The following CPLX2 variants were observed in gnomAD, a reference collection of about 807,000 sequenced individuals.
The protein encoded by CPLX2 is complexin-2.
Under a neutral mutation model 16.3 loss-of-function variants are expected in CPLX2, and 5 were observed. The observed-to-expected ratio is 0.31, with a 90% CI of 0.16 to 0.64. The LOEUF (loss-of-function observed/expected upper bound fraction) is 0.64. CPLX2 is among the 30% of genes least tolerant of loss of function. The pLI, the probability that CPLX2 is intolerant of heterozygous loss-of-function variation, is 0.79. For synonymous variants in CPLX2, 89 were observed against 73.2 expected, an observed-to-expected ratio of 1.22 and a Z score of -1.10; for missense variants, 144 against 181.4, an observed-to-expected ratio of 0.79 and a Z score of 1.18.
chr5:175,827,460 T>C (rs543255094), intron 2 of CPLX2, among the ~76,000 whole-genome samples: 1 of 152,076 alleles, frequency 6.6e-6, no homozygotes. Flanking sequence ...ACCTTTAAAG[T>C]CCAAGAGATG....
intron 1 of CPLX2, among the ~76,000 whole-genome samples, chr5:175,804,387 A>G (rs1758156236): frequency 6.6e-6 from 1 of 152,156 alleles, no homozygotes; most frequent in Admixed American, 6.5e-5. Flanking sequence ...GCCCAGAGAA[A>G]GGATCACACA....
In CPLX2 at chr5:175,882,944, G is replaced by A. The variant is rs1755657495; in HGVS notation, c.*2899G>A. On this transcript the variant is annotated 3_prime_UTR_variant, in exon 4 of 4. Coordinates refer to ENST00000393745, the MANE Select transcript of CPLX2 (RefSeq NM_001008220.2). The stretch of plus-strand genomic sequence containing the variant: ...ATCCTCACAGGATCGCCTGGGAGGT[G>A]AGGTGTGTGTGACCCACTGGATGGG... 2 of 152,392 alleles carry A rather than the reference G, an allele frequency of 1.3e-5. No homozygotes were observed. Among genetic ancestry groups the A allele is most frequent in the Non-Finnish European group, 2.9e-5 (2 of 68,150 alleles). 9.4% of individuals were successfully genotyped at this position (152,392 alleles called of 1,614,324 possible).
rs886115286 is a variant in CPLX2, at chr5:175,845,662, G to A, written c.-88-32990G>A. On this transcript the variant is annotated intron_variant, in intron 2 of 4. Coordinates refer to the CPLX2 transcript ENST00000359546. The surrounding 1 kb of genome is among the most constrained non-coding windows in gnomAD (Gnocchi z 4.0). ...CTGGACTGTGAGTCTCTTAAGGGCG[G>A]GGACTCATTGGTGCTGGTTCCACGG... Among the ~76,000 whole-genome samples the A allele has an allele frequency of 6.6e-5, 10 of 152,216 alleles. No individual in the cohort carries two copies. The highest frequency in any genetic ancestry group is 2.4e-4 in the African/African-American group (10 of 41,446).
chr5:175,878,458 T>C (rs552200372), intron 1 of CPLX2, 194 bp from the exon 2 acceptor site: 25 of 540,468 alleles, frequency 4.6e-5, no homozygotes, highest in Middle Eastern at 9.6e-4. Context: ...CAAAAAGCTA[T>C]TTGGCAGCAC....
rs1478864435 is a variant in CPLX2 at position 175,872,605 on chromosome 5, G to T, written c.-89+900G>T. ...GAAACGGGAACCCCCGGCCACTTCC[G>T]CTTTTCAGCCGGAGTCGGCTCCCTA... is the stretch of plus-strand genomic sequence containing the variant. On this transcript the variant is annotated intron_variant, in intron 1 of 3. Transcript: ENST00000393745. The surrounding 1 kb of genome is among the most constrained non-coding windows in gnomAD (Gnocchi z 5.0). 6.6e-6 allele frequency among the ~76,000 whole-genome samples: 1 copy of T among 152,038 alleles called. No individual in the cohort carries two copies. The highest frequency in any genetic ancestry group is 1.5e-5 in the Non-Finnish European group (1 of 67,992).
chr5:175,857,904 T>C (rs574496363), intron 2 of CPLX2, among the ~76,000 whole-genome samples: 1 of 152,356 alleles, frequency 6.6e-6, no homozygotes, highest in Admixed American at 6.5e-5. Flanking sequence ...ACGAAGGTGC[T>C]GGTCTCTGCC....
At chr5:175,815,382 C>T (rs17065522) in intron 2 of CPLX2, among the ~76,000 whole-genome samples, 29,625 of 151,980 alleles carry the variant, frequency 0.19, 3,600 homozygotes, top group African/African-American at 0.35. Flanking sequence ...TGGCGGAGAG[C>T]ACATGCATGG....
In CPLX2 at chr5:175,801,780, C is replaced by T. The variant is rs141632411; in HGVS notation, c.-169+4996C>T. On this transcript the variant is annotated intron_variant, in intron 1 of 4. Coordinates refer to the CPLX2 transcript ENST00000359546. The stretch of plus-strand genomic sequence containing the variant: ...AAAAACGGAGCAAAATGGAGATGGG[C>T]GAGCCGGGAGCACATGCCAAGAAGT... 2.0e-3 allele frequency among the ~76,000 whole-genome samples: 302 copies of T among 152,312 alleles called. 2 individuals are homozygous for T. The highest frequency in any genetic ancestry group is 3.3e-3 in the Non-Finnish European group (225 of 68,030).
At chr5:175,863,236 T>A (rs1016661758) in intron 2 of CPLX2, among the ~76,000 whole-genome samples, 9 of 152,222 alleles carry the variant, frequency 5.9e-5, no homozygotes, top group African/African-American at 2.2e-4. Context: ...CCATCAAGGA[T>A]CAGCCCATGG....
At chr5:175,875,496 T>C (rs187165863) in intron 1 of CPLX2, among the ~76,000 whole-genome samples, 2 of 152,328 alleles carry the variant, frequency 1.3e-5, no homozygotes, top group Admixed American at 1.3e-4. Context: ...AGAGTATTTC[T>C]AAAATTTCAA....
intron 2 of CPLX2, among the ~76,000 whole-genome samples, chr5:175,853,109 C>T (rs530955512): frequency 2.6e-5 from 4 of 152,346 alleles, no homozygotes; most frequent in Non-Finnish European, 4.4e-5. Context: ...CTGTTAATAA[C>T]AAGTGATACT....
intron 1 of CPLX2, among the ~76,000 whole-genome samples, chr5:175,802,446 T>C (rs1248804264): frequency 1.3e-5 from 2 of 152,140 alleles, no homozygotes; most frequent in Non-Finnish European, 2.9e-5. Flanking sequence ...GCGGAGAAAA[T>C]GTATCTCCAC....
At chr5:175,820,830 A>C (rs1371721432) in intron 2 of CPLX2, among the ~76,000 whole-genome samples, 2 of 152,142 alleles carry the variant, frequency 1.3e-5, no homozygotes, top group African/African-American at 4.8e-5. Context: ...CAATAAACAA[A>C]TATATGGACA....
chr5:175,850,152 GT>G (rs10709640), intron 2 of CPLX2, among the ~76,000 whole-genome samples: 108,022 of 148,990 alleles, frequency 0.73, 39,947 homozygotes, highest in East Asian at 0.96. Flanking sequence ...CAGTTTTTTT[GT>G]TTTTTTTTTT....
rs1755558789 is a variant in CPLX2, at chr5:175,880,444, C to G, written c.*399C>G. ...AGCATGCTGACCTTTGGCCTCTAAC[C>G]CTCAGTGGGCCCCCAGGTCAGGGCA... is the stretch of plus-strand genomic sequence containing the variant. On this transcript the variant is annotated 3_prime_UTR_variant, in exon 4 of 4. Coordinates refer to ENST00000393745, the MANE Select transcript of CPLX2 (RefSeq NM_001008220.2). The G allele has an allele frequency of 1.6e-5, 5 of 313,892 alleles. No individual in the cohort carries two copies. The highest frequency in any genetic ancestry group is 1.1e-4 in the South Asian group (4 of 35,656). 19.4% of individuals were successfully genotyped at this position (313,892 alleles called of 1,614,324 possible).
intron 2 of CPLX2, among the ~76,000 whole-genome samples, chr5:175,855,483 G>T (rs1759236551): frequency 1.3e-5 from 2 of 152,190 alleles, no homozygotes; most frequent in Admixed American, 1.3e-4. Context: ...AGTTATATTT[G>T]TTCATGTAAC....
At chr5:175,839,079 T>G (rs75991742) in intron 2 of CPLX2, among the ~76,000 whole-genome samples, 15,904 of 152,132 alleles carry the variant, frequency 0.1, 898 homozygotes, top group Non-Finnish European at 0.13. Flanking sequence ...AAAATGTTTT[T>G]AGAGACAAGA....
chr5:175,806,894 G>A (rs1433676202), intron 1 of CPLX2, among the ~76,000 whole-genome samples: 3 of 152,172 alleles, frequency 2.0e-5, no homozygotes, highest in African/African-American at 4.8e-5. Context: ...TCCACTGTGC[G>A]AGATCAAGGC....
intron 3 of CPLX2, 61 bp downstream of exon 3, chr5:175,879,144 TAAAGCCCCTGC>T (rs1755501766): frequency 6.7e-7 from 1 of 1,492,786 alleles, no homozygotes; most frequent in African/African-American, 1.4e-5. Context: ...CCGGTCCAGC[TAAAGCCCCTGC>T]TGGGGCTCCC....
Sources: allele counts gnomAD v4.1 joint callset (sites outside exome capture counted in the v4.1 genomes callset), GRCh38; gene constraint gnomAD v4.1.1; non-coding constraint Gnocchi (gnomAD v3.1); transcripts MANE v1.5; gene names NCBI Gene and HGNC (gene_info 2026-07-23, HGNC 2026-07-21).